Variants in CA10 observed in about 807,000 individuals in gnomAD.
CA10 encodes the protein carbonic anhydrase 10 (inactive).
In CA10, 14 loss-of-function variants were observed where a neutral mutation model predicts 44.2. That is an observed-to-expected ratio of 0.32 (90% CI 0.21 to 0.50). CA10 has a LOEUF of 0.50. Ranked by LOEUF, CA10 falls within the 20% of genes least tolerant of loss-of-function variation. CA10 has a pLI of 0.99. For missense variants in CA10, 350 were observed against 409.7 expected (o/e 0.85, Z 1.26); for synonymous variants, 159 against 141.6 (o/e 1.12, Z -0.87).
chr17:52,130,721 G>A (rs1025440302), intron 1 of CA10, among the ~76,000 whole-genome samples: 3 of 151,446 alleles, frequency 2.0e-5, no homozygotes, highest in Non-Finnish European at 4.4e-5. Flanking sequence ...TTTTTGAGAT[G>A]GGGTCTTGCC....
At chr17:52,016,340 C>T (rs1487243130) in intron 2 of CA10, among the ~76,000 whole-genome samples, 1 of 152,154 alleles carries the variant, frequency 6.6e-6, no homozygotes, top group Non-Finnish European at 1.5e-5. Flanking sequence ...GGACCACACC[C>T]ACCATTTCAT....
At chr17:51,835,243 C>A (rs1257062726) in intron 3 of CA10, among the ~76,000 whole-genome samples, 1 of 152,194 alleles carries the variant, frequency 6.6e-6, no homozygotes, top group Non-Finnish European at 1.5e-5. Flanking sequence ...GAGAGCGATA[C>A]ATGCTGGGTA....
chr17:51,904,515 C>G (rs117501183), intron 3 of CA10, among the ~76,000 whole-genome samples: 2,070 of 152,100 alleles, frequency 0.014, 23 homozygotes, highest in Non-Finnish European at 0.02. Flanking sequence ...GAAGAAGGCC[C>G]AGAGCTCCTT....
chr17:51,929,376 G>A (rs1434270448), intron 3 of CA10, among the ~76,000 whole-genome samples: 1 of 152,036 alleles, frequency 6.6e-6, no homozygotes, highest in Non-Finnish European at 1.5e-5. Flanking sequence ...GCCATAACTC[G>A]TAGGCGAAGG....
chr17:52,133,931 G>T (rs1411252856), intron 1 of CA10, among the ~76,000 whole-genome samples: 2 of 152,162 alleles, frequency 1.3e-5, no homozygotes, highest in Non-Finnish European at 2.9e-5. Context: ...ACTGTACAGG[G>T]TGCATGCGAG....
At chr17:51,731,299 C>T (rs185792156) in intron 4 of CA10, among the ~76,000 whole-genome samples, 114 of 152,306 alleles carry the variant, frequency 7.5e-4, no homozygotes, top group African/African-American at 2.4e-3. Context: ...ATCACTTGAA[C>T]CCGGGAGGTG....
At chr17:52,140,159 G>A (rs931631491) in intron 1 of CA10, among the ~76,000 whole-genome samples, 27 of 152,158 alleles carry the variant, frequency 1.8e-4, no homozygotes, top group African/African-American at 5.1e-4. Flanking sequence ...TCTTAGTTGC[G>A]GTGGTGGTTA....
intron 1 of CA10, among the ~76,000 whole-genome samples, chr17:52,096,779 A>T (rs1171663785): frequency 6.6e-6 from 1 of 152,182 alleles, no homozygotes; most frequent in African/African-American, 2.4e-5. Context: ...GGTCAAAGCC[A>T]TTTGCAAATA....
rs578005758 is a variant in CA10, at chr17:52,061,466, C to T, written c.136+10853G>A. On this transcript the variant is annotated intron_variant, in intron 2 of 8. Transcript: ENST00000451037. ...AAGATAATAAATCTGTTGTTTCTAG[C>T]TACTAACTTTAGGGTAATTTGTTAT... Among the ~76,000 whole-genome samples, 8 of 152,286 alleles carry T rather than the reference C, an allele frequency of 5.3e-5. No homozygotes were observed. The South Asian group carries it at 1.7e-3, about 32-fold the overall frequency.
rs929776107 is a variant in CA10, at chr17:52,070,326, T to C, written c.136+1993A>G. The C allele has an allele frequency of 6.4e-4, 4 of 6,278 alleles. No individual in the cohort carries two copies. The Admixed American group carries it at 0.012, about 19-fold the overall frequency. The allele number at this position is 6,278 out of a possible 1,614,324, so 0.4% of individuals were successfully genotyped here. On this transcript the variant is annotated intron_variant, in intron 2 of 8. Transcript: ENST00000451037. ...ACACATTATTACACTATCCAGTTTG[T>C]AATTGTCTCCCTCAAGCAGATACCA...
intron 2 of CA10, among the ~76,000 whole-genome samples, chr17:51,955,997 A>G (rs1214579574): frequency 6.6e-6 from 1 of 152,124 alleles, no homozygotes; most frequent in East Asian, 1.9e-4. Context: ...AATAACAAAA[A>G]ATCTGGACTA....
chr17:52,024,502 A>G (rs1162097228), intron 2 of CA10, among the ~76,000 whole-genome samples: 7 of 140,596 alleles, frequency 5.0e-5, no homozygotes, highest in Middle Eastern at 3.5e-3. Flanking sequence ...AGCTGGAGTC[A>G]GTGGGGGGTG....
At chr17:51,945,984 A>T (rs558999351) in intron 2 of CA10, among the ~76,000 whole-genome samples, 1 of 152,322 alleles carries the variant, frequency 6.6e-6, no homozygotes, top group Non-Finnish European at 1.5e-5. Context: ...TAAAAAGATC[A>T]CAGGAAATCT....
At chr17:52,048,726 C>T (rs1197732667) in intron 2 of CA10, among the ~76,000 whole-genome samples, 7 of 151,886 alleles carry the variant, frequency 4.6e-5, no homozygotes, top group African/African-American at 1.7e-4. Flanking sequence ...TGAGGACATA[C>T]CCAGGGAAGA....
intron 3 of CA10, among the ~76,000 whole-genome samples, chr17:51,923,190 T>C (rs533792899): frequency 7.9e-5 from 12 of 152,294 alleles, no homozygotes; most frequent in African/African-American, 2.9e-4. Flanking sequence ...AAATTTAACA[T>C]CAGTTATCCA....
At chr17:51,712,823 G>A (rs573124933) in intron 4 of CA10, among the ~76,000 whole-genome samples, 2 of 152,212 alleles carry the variant, frequency 1.3e-5, no homozygotes, top group Admixed American at 6.5e-5. Flanking sequence ...AGACTATGTG[G>A]AGTGGTTTCT....
At chr17:51,910,266 A>G (rs1006694716) in intron 3 of CA10, among the ~76,000 whole-genome samples, 38 of 152,120 alleles carry the variant, frequency 2.5e-4, no homozygotes, top group African/African-American at 8.4e-4. Flanking sequence ...CTTAATCTCC[A>G]AAGATTTAGT....
At chr17:52,046,160 C>A (rs1383664041) in intron 2 of CA10, among the ~76,000 whole-genome samples, 4 of 150,664 alleles carry the variant, frequency 2.7e-5, no homozygotes, top group Admixed American at 1.3e-4. Flanking sequence ...GCTTAAAAAA[C>A]TAGAAAGAGC....
intron 2 of CA10, among the ~76,000 whole-genome samples, chr17:51,933,598 A>G (rs761650621): frequency 6.6e-6 from 1 of 152,114 alleles, no homozygotes; most frequent in Non-Finnish European, 1.5e-5. Flanking sequence ...TAAGCCATGC[A>G]GTTGTGATCA....
Sources: gnomAD v4.1 joint callset for allele counts (sites outside exome capture counted in the v4.1 genomes callset) on GRCh38, gnomAD v4.1.1 for gene constraint, MANE v1.5 for transcripts, NCBI Gene and HGNC (gene_info 2026-07-23, HGNC 2026-07-21) for gene names.